The following EPHA3 variants were observed in gnomAD, a reference collection of about 807,000 sequenced individuals.
EPHA3 encodes EPH receptor A3, also known as ephrin type-A receptor 3.
A neutral mutation model predicts 107.1 loss-of-function variants in EPHA3; 42 were observed. That is an observed-to-expected ratio of 0.39 (90% CI 0.31 to 0.51). The LOEUF (loss-of-function observed/expected upper bound fraction) is 0.51, where lower values mean the gene tolerates loss of function less well. Among genes scored for constraint, EPHA3 ranks in the 20% least tolerant of loss-of-function variants. EPHA3 has a pLI of 0.78. For synonymous variants in EPHA3, 461 were observed against 424.8 expected (o/e 1.09, Z -1.05); for missense variants, 1,183 against 1,211.2 (o/e 0.98, Z 0.35).
intron 1 of EPHA3, among the ~76,000 whole-genome samples, chr3:89,119,595 T>A (rs1707333308): frequency 6.6e-6 from 1 of 152,128 alleles, no homozygotes; most frequent in South Asian, 2.1e-4. Flanking sequence ...ATTTGTATTG[T>A]CATGATCAAA....
chr3:89,281,636 G>A (rs1164542387), intron 3 of EPHA3, among the ~76,000 whole-genome samples: 1 of 152,094 alleles, frequency 6.6e-6, no homozygotes, highest in East Asian at 1.9e-4. Flanking sequence ...ATTAAAATAA[G>A]TAATTTTATT....
At chr3:89,270,340 A>T (rs905363914) in intron 3 of EPHA3, among the ~76,000 whole-genome samples, 3 of 151,994 alleles carry the variant, frequency 2.0e-5, no homozygotes, top group African/African-American at 7.2e-5. Flanking sequence ...ATACTCAGAA[A>T]TCCCTTTCCA....
intron 2 of EPHA3, among the ~76,000 whole-genome samples, chr3:89,147,224 C>T (rs867518321): frequency 2.0e-5 from 3 of 151,600 alleles, no homozygotes; most frequent in African/African-American, 7.3e-5. Flanking sequence ...AGGATGAATA[C>T]CTAATGCATG....
At chr3:89,255,872 G>C (rs543139706) in intron 3 of EPHA3, among the ~76,000 whole-genome samples, 1 of 152,088 alleles carries the variant, frequency 6.6e-6, no homozygotes, top group African/African-American at 2.4e-5. Context: ...CTGCACTCCA[G>C]CCTGGGTGAC....
At chr3:89,203,031 C>T (rs530550435) in intron 2 of EPHA3, among the ~76,000 whole-genome samples, 11 of 152,196 alleles carry the variant, frequency 7.2e-5, no homozygotes, top group African/African-American at 2.6e-4. Context: ...GGGATAAGGG[C>T]TGAACATGAG....
At chr3:89,476,002 G>T (rs1216098698) in intron 16 of EPHA3, among the ~76,000 whole-genome samples, 1 of 151,634 alleles carries the variant, frequency 6.6e-6, no homozygotes, top group Non-Finnish European at 1.5e-5. Context: ...CCTAGCTAAG[G>T]AATAACCCAA....
intron 5 of EPHA3, among the ~76,000 whole-genome samples, chr3:89,347,218 A>G (rs1348305319): frequency 7.2e-6 from 1 of 138,320 alleles, no homozygotes; most frequent in Non-Finnish European, 1.6e-5. Flanking sequence ...CAGTATGGCC[A>G]TTTTCACGAT....
chr3:89,394,914 A>G (rs1187127096), intron 5 of EPHA3, among the ~76,000 whole-genome samples: 1 of 152,216 alleles, frequency 6.6e-6, no homozygotes, highest in Non-Finnish European at 1.5e-5. Flanking sequence ...TCGATTGGCG[A>G]GTGAACCAAG....
At chr3:89,394,330 C>T (rs1708806264) in intron 5 of EPHA3, among the ~76,000 whole-genome samples, 1 of 152,018 alleles carries the variant, frequency 6.6e-6, no homozygotes, top group Non-Finnish European at 1.5e-5. Flanking sequence ...GAGGTGGAGG[C>T]TGCAGTAAGC....
rs202030714 is a variant in EPHA3 at position 89,229,751 on chromosome 3, T to C, written c.814+19231T>C. On this transcript the variant is annotated intron_variant, in intron 3 of 16. Transcript: ENST00000336596. ...AATATAAATCCTTAGCATAATATTTTAAATGGCGAGTTAATTGGAAATATG... is the reference window on the plus strand; with the variant it reads ...AATATAAATCCTTAGCATAATATTTCAAATGGCGAGTTAATTGGAAATATG... 2.6e-5 allele frequency among the ~76,000 whole-genome samples: 4 copies of C among 152,018 alleles called. No individual in the cohort carries two copies. The East Asian group carries it at 7.7e-4, about 29-fold the overall frequency.
In EPHA3 at chr3:89,127,256, T is replaced by G; in HGVS notation, c.136T>G (p.Ser46Ala). Reference sequence around the variant, plus strand: ...AATTCAAGGGGAGCTGGGCTGGATCTCTTATCCATCACATGGGGTGAGTTC... The same window carrying G: ...AATTCAAGGGGAGCTGGGCTGGATCGCTTATCCATCACATGGGGTGAGTTC... ...KTIQGELGWI[S>A]YPSHGWEEIS... is the part of the protein sequence containing the mutation. The change falls in exon 2 of 17, where the codon TCT (serine) becomes GCT (alanine). Residue 46 changes from serine to alanine, a missense_variant. Ser to Ala is a moderately conservative substitution (Grantham distance 99). Transcript: ENST00000336596. The G allele has an allele frequency of 6.2e-7, 1 of 1,612,394 alleles. No homozygotes were observed. The highest frequency in any genetic ancestry group is 8.5e-7 in the Non-Finnish European group (1 of 1,178,700).
At chr3:89,171,903 C>T (rs978481083) in intron 2 of EPHA3, among the ~76,000 whole-genome samples, 1 of 152,072 alleles carries the variant, frequency 6.6e-6, no homozygotes, top group Admixed American at 6.5e-5. Flanking sequence ...ATTGTGTAAG[C>T]CTGACCATAA....
intron 3 of EPHA3, among the ~76,000 whole-genome samples, chr3:89,309,215 TAAGAAAGTAGA>T (rs1706706251): frequency 6.6e-6 from 1 of 152,088 alleles, no homozygotes; most frequent in Non-Finnish European, 1.5e-5. Context: ...TGAATGGGTA[TAAGAAAGTAGA>T]AAGAGAAAGA....
At chr3:89,406,945 CAACGAGTTTTTTGCCATTG>C (rs1709066902) in intron 7 of EPHA3, among the ~76,000 whole-genome samples, 1 of 152,108 alleles carries the variant, frequency 6.6e-6, no homozygotes. Flanking sequence ...CTGGTTCATT[CAACGAGTTTTTTGCCATTG>C]AGGACAGAGA....
chr3:89,449,986 A>G (rs1019191798), intron 14 of EPHA3, among the ~76,000 whole-genome samples, 191 bp from the exon 15 acceptor site: 2 of 152,188 alleles, frequency 1.3e-5, no homozygotes, highest in Non-Finnish European at 2.9e-5. Flanking sequence ...ATCTTCCTTT[A>G]TATAATATTT....
At chr3:89,175,625 A>G (rs1705305397) in intron 2 of EPHA3, among the ~76,000 whole-genome samples, 1 of 152,198 alleles carries the variant, frequency 6.6e-6, no homozygotes, top group African/African-American at 2.4e-5. Flanking sequence ...TTAAAAGATT[A>G]TAGGCGTTGA....
rs200484511 is a variant in EPHA3 at position 89,340,951 on chromosome 3, A to C, written c.850A>C (p.Asn284His). The C allele has an allele frequency of 1.2e-6, 2 of 1,614,066 alleles. No homozygotes were observed. Among genetic ancestry groups the C allele is most frequent in the East Asian group, 4.5e-5 (2 of 44,840 alleles). Residue 284 changes from asparagine to histidine, a missense_variant, in exon 4 of 17, where the codon AAT becomes CAT. Physicochemically the swap from Asn to His is moderately conservative, Grantham distance 68 (BLOSUM62 1). Coordinates refer to ENST00000336596, the MANE Select transcript of EPHA3 (RefSeq NM_005233.6). ...AGGTTTCTACAAGGCATTGGATGGTAATATGAAGTGTGCTAAGTGCCCGCC... is the reference window on the plus strand; with the variant it reads ...AGGTTTCTACAAGGCATTGGATGGTCATATGAAGTGTGCTAAGTGCCCGCC... Reference protein sequence around the residue: ...RPGFYKALDGNMKCAKCPPHS... With the variant: ...RPGFYKALDGHMKCAKCPPHS...
At chr3:89,169,253 C>A (rs1156940213) in intron 2 of EPHA3, among the ~76,000 whole-genome samples, 1 of 150,836 alleles carries the variant, frequency 6.6e-6, no homozygotes, top group Admixed American at 6.6e-5. Flanking sequence ...GTTTTTTTTT[C>A]TAATTTTAAA....
At chr3:89,377,254 T>C (rs573568324) in intron 5 of EPHA3, among the ~76,000 whole-genome samples, 6 of 152,166 alleles carry the variant, frequency 3.9e-5, no homozygotes, top group African/African-American at 2.4e-5. Context: ...CATTATATTA[T>C]GTGTAATTGC....
Sources: allele counts gnomAD v4.1 joint callset (sites outside exome capture counted in the v4.1 genomes callset), GRCh38; gene constraint gnomAD v4.1.1; transcripts MANE v1.5; gene names NCBI Gene and HGNC (gene_info 2026-07-23, HGNC 2026-07-21).